GALNTL6: variants seen among roughly 807,000 people sequenced by gnomAD.
The protein encoded by GALNTL6 is polypeptide N-acetylgalactosaminyltransferase like 6.
Under a neutral mutation model 73.7 loss-of-function variants are expected in GALNTL6, and 46 were observed. That is an observed-to-expected ratio of 0.62 (90% CI 0.49 to 0.80). The LOEUF is 0.80. GALNTL6 is among the 30% of genes least tolerant of loss of function. The pLI, the probability that GALNTL6 is intolerant of heterozygous loss-of-function variation, is 0.00. For synonymous variants in GALNTL6, 259 were observed against 263.7 expected, an observed-to-expected ratio of 0.98 and a Z score of 0.17; for missense variants, 604 against 755.0, an observed-to-expected ratio of 0.80 and a Z score of 2.34.
At chr4:171,895,476 A>G (rs1161227208) in intron 2 of GALNTL6, among the ~76,000 whole-genome samples, 1 of 152,200 alleles carries the variant, frequency 6.6e-6, no homozygotes, top group Admixed American at 6.5e-5. Flanking sequence ...TGAGTCGTGT[A>G]TGCATAAAGC....
intron 5 of GALNTL6, among the ~76,000 whole-genome samples, chr4:172,772,795 G>A (rs1401663668): frequency 6.6e-6 from 1 of 152,160 alleles, no homozygotes; most frequent in Non-Finnish European, 1.5e-5. Context: ...GAGGGACTTT[G>A]TGGATTTGAC....
intron 2 of GALNTL6, among the ~76,000 whole-genome samples, chr4:171,940,742 C>T (rs1243818134): frequency 4.0e-5 from 6 of 151,534 alleles, no homozygotes; most frequent in Admixed American, 6.6e-5. Flanking sequence ...GGTGTAAACC[C>T]GGGAGGCGGA....
intron 9 of GALNTL6, among the ~76,000 whole-genome samples, chr4:172,934,942 C>G (rs1748529349): frequency 6.6e-6 from 1 of 152,178 alleles, no homozygotes; most frequent in South Asian, 2.1e-4. Context: ...CTATTACTGG[C>G]ACCTATGGGG....
At chr4:171,852,608 T>C (rs1455508958) in intron 2 of GALNTL6, among the ~76,000 whole-genome samples, 1 of 151,988 alleles carries the variant, frequency 6.6e-6, no homozygotes, top group African/African-American at 2.4e-5. Flanking sequence ...ACTGTAAAAA[T>C]AGGTAACAAA....
intron 3 of GALNTL6, among the ~76,000 whole-genome samples, chr4:172,311,222 C>T (rs910204389): frequency 3.3e-5 from 5 of 152,036 alleles, no homozygotes; most frequent in Admixed American, 2.6e-4. Context: ...AGTATATTTT[C>T]AGTGGAATGG....
At chr4:172,633,217 T>A (rs1739491344) in intron 5 of GALNTL6, among the ~76,000 whole-genome samples, 1 of 152,088 alleles carries the variant, frequency 6.6e-6, no homozygotes, top group African/African-American at 2.4e-5. Flanking sequence ...GATCCACCGA[T>A]AGCTTGGACA....
At chr4:172,845,874 T>C (rs753609260) in intron 7 of GALNTL6, among the ~76,000 whole-genome samples, 12 of 152,244 alleles carry the variant, frequency 7.9e-5, no homozygotes, top group Non-Finnish European at 1.2e-4. Context: ...TTTAAATTGT[T>C]CTGGAAAGTA....
At chr4:172,830,475 T>G (rs1742565255) in intron 7 of GALNTL6, among the ~76,000 whole-genome samples, 1 of 152,142 alleles carries the variant, frequency 6.6e-6, no homozygotes, top group African/African-American at 2.4e-5. Flanking sequence ...AGTGAATTGT[T>G]TTTAAAAGAA....
intron 3 of GALNTL6, among the ~76,000 whole-genome samples, chr4:172,307,317 C>G (rs1740173652): frequency 6.6e-6 from 1 of 152,170 alleles, no homozygotes; most frequent in African/African-American, 2.4e-5. Context: ...TCTGTTTACT[C>G]TGCTGATTAT....
rs35078885 is a variant in GALNTL6 at position 171,853,599 on chromosome 4, C to CTTTTTT, written c.138+38905_138+38910dup. ...TTTTTCTCTCTTTTGTTTAGCCACT[C>CTTTTTT]TTTTTTTTTTTTTTTTTTTTTTTTT... is the stretch of plus-strand genomic sequence containing the variant. On this transcript the variant is annotated intron_variant, in intron 2 of 12. Transcript: ENST00000506823. Among the ~76,000 whole-genome samples the CTTTTTT allele has an allele frequency of 3.7e-4, 13 of 35,356 alleles. 5 individuals are homozygous for CTTTTTT. The highest frequency in any genetic ancestry group is 1.0e-3 in the South Asian group (1 of 984). The allele number at this position is 35,356 out of a possible 152,430, so 23.2% of individuals were successfully genotyped here.
At chr4:172,104,652 A>G (rs777059968) in intron 2 of GALNTL6, among the ~76,000 whole-genome samples, 60 of 152,208 alleles carry the variant, frequency 3.9e-4, no homozygotes, top group African/African-American at 1.1e-3. Flanking sequence ...AGTTTTAACC[A>G]TATCTAGCTG....
chr4:172,886,289 T>C (rs1745713983), intron 8 of GALNTL6, among the ~76,000 whole-genome samples: 1 of 152,222 alleles, frequency 6.6e-6, no homozygotes. Context: ...TTTACAAGAA[T>C]TTATCTACTT....
intron 5 of GALNTL6, among the ~76,000 whole-genome samples, chr4:172,723,960 A>T (rs1438888318): frequency 6.6e-6 from 1 of 152,162 alleles, no homozygotes; most frequent in Non-Finnish European, 1.5e-5. Flanking sequence ...TAATAATCGT[A>T]CTTACTTCAT....
In GALNTL6 at chr4:172,057,727, AATATATAT is replaced by A. The variant is rs147660032; in HGVS notation, c.139-171905_139-171898del. ...AAAAAAAAAAAAAAAAAAAAAAAAAAATATATATATATATATATATATATATATATAAA... is the reference window on the plus strand; with the variant it reads ...AAAAAAAAAAAAAAAAAAAAAAAAAAATATATATATATATATATATATAAA... On this transcript the variant is annotated intron_variant, in intron 2 of 12. Transcript: ENST00000506823. 6.4e-3 allele frequency among the ~76,000 whole-genome samples: 295 copies of A among 46,124 alleles called. 4 individuals carry two copies. Among genetic ancestry groups the A allele is most frequent in the African/African-American group, 0.022 (265 of 12,184 alleles). The allele number at this position is 46,124 out of a possible 152,430, so 30.3% of individuals were successfully genotyped here.
chr4:172,881,693 C>T (rs1412191241), intron 7 of GALNTL6, among the ~76,000 whole-genome samples: 6 of 152,114 alleles, frequency 3.9e-5, no homozygotes, highest in Non-Finnish European at 8.8e-5. Context: ...TTATAAATAT[C>T]CTTTGTTTCA....
At chr4:172,487,746 A>G (rs1733749329) in intron 5 of GALNTL6, among the ~76,000 whole-genome samples, 1 of 152,108 alleles carries the variant, frequency 6.6e-6, no homozygotes, top group African/African-American at 2.4e-5. Context: ...CTCAATGCAT[A>G]AAGAATAAAC....
chr4:172,913,704 A>C (rs1747343064), intron 8 of GALNTL6, among the ~76,000 whole-genome samples: 1 of 152,208 alleles, frequency 6.6e-6, no homozygotes, highest in Admixed American at 6.5e-5. Flanking sequence ...AAAGAGTGAA[A>C]AGAAATGAAC....
At chr4:172,264,580 ATATATATATATATT>A (rs1480849796) in intron 3 of GALNTL6, among the ~76,000 whole-genome samples, 1 of 86,746 alleles carries the variant, frequency 1.2e-5, no homozygotes, top group Non-Finnish European at 2.4e-5. Flanking sequence ...ATATATATAT[ATATATATATATATT>A]TGGCATATAT....
intron 5 of GALNTL6, among the ~76,000 whole-genome samples, chr4:172,568,357 C>T (rs1445988329): frequency 6.6e-6 from 1 of 152,176 alleles, no homozygotes; most frequent in Admixed American, 6.5e-5. Context: ...GTTATCCTAG[C>T]AGCACAAAGG....
Sources: gnomAD v4.1 joint callset for allele counts (sites outside exome capture counted in the v4.1 genomes callset) on GRCh38, gnomAD v4.1.1 for gene constraint, MANE v1.5 for transcripts, NCBI Gene and HGNC (gene_info 2026-07-23, HGNC 2026-07-21) for gene names.